TATDN1: variants seen among roughly 807,000 people sequenced by gnomAD.
TATDN1 encodes the protein deoxyribonuclease TATDN1.
In TATDN1, 40 loss-of-function variants were observed where a neutral mutation model predicts 46.4. The observed-to-expected ratio is 0.86, with a 90% confidence interval of 0.67 to 1.12. The LOEUF (loss-of-function observed/expected upper bound fraction) is 1.12. Among genes scored for constraint, TATDN1 ranks in the 50% most tolerant of loss-of-function variants. The pLI is 0.00. For synonymous variants in TATDN1, 95 were observed against 105.6 expected (o/e 0.90, Z 0.62); for missense variants, 326 against 348.4 (o/e 0.94, Z 0.51).
chr8:124,523,101 C>A, intron 1 of TATDN1, 99 bp from the exon 2 acceptor site: 1 of 977,932 alleles, frequency 1.0e-6, no homozygotes, highest in South Asian at 1.4e-5. Context: ...TTCACACACT[C>A]ATCTACTCAA....
Position 124,493,851 on chromosome 8 carries a change from T to C in TATDN1, c.773A>G (p.Asn258Ser), listed in dbSNP as rs1365100193. ...TACTCACATTATATGGCAGGGTTCA[T>C]TTCTGTCTTTTAAGCAGTGCCCACT... Reference protein sequence around the residue: ...WESGHCLKDRNEPCHIIQILE... With the variant: ...WESGHCLKDRSEPCHIIQILE... The change falls in exon 11 of 12, where the codon AAT becomes AGT. Residue 258 changes from asparagine to serine, a missense_variant. Asn to Ser is a conservative substitution (Grantham distance 46). Transcript: ENST00000276692. 5.6e-6 allele frequency: 9 copies of C among 1,608,986 alleles called. No individual in the cohort carries two copies. The highest frequency in any genetic ancestry group is 7.6e-6 in the Non-Finnish European group (9 of 1,179,228).
At chr8:124,535,445 C>T (rs1356548839) in intron 1 of TATDN1, among the ~76,000 whole-genome samples, 2 of 152,144 alleles carry the variant, frequency 1.3e-5, no homozygotes, top group Admixed American at 1.3e-4. Flanking sequence ...ATGTGTGGCT[C>T]TAAATGGGAT....
intron 1 of TATDN1, among the ~76,000 whole-genome samples, chr8:124,526,491 G>T (rs556181651): frequency 6.6e-6 from 1 of 152,176 alleles, no homozygotes; most frequent in Non-Finnish European, 1.5e-5. Flanking sequence ...TAAGAGATAC[G>T]GGTGGGAGGG....
intron 9 of TATDN1, among the ~76,000 whole-genome samples, chr8:124,502,044 A>C (rs72713073): frequency 0.087 from 13,273 of 152,138 alleles, 647 homozygotes; most frequent in East Asian, 0.16. Context: ...CTATCCATTG[A>C]AAGTGGGGGG....
rs1327815082 is a variant in TATDN1, at chr8:124,488,687, C to T, written c.801G>A (p.Leu267=). ...RNEPCHIIQI[L]EIMSAVRDED... The stretch of plus-strand genomic sequence containing the variant: ...CATCTCTCACTGCTGACATTATCTC[C>T]AATATTTGACTAAAACAAAACAAAA... The change falls in exon 12 of 12, where the codon TTG becomes TTA. Residue 267 remains leucine (L), a synonymous_variant. Transcript: ENST00000276692. The T allele has an allele frequency of 3.1e-6, 5 of 1,594,998 alleles. No individual in the cohort carries two copies. The South Asian group carries it at 5.5e-5, about 18-fold the overall frequency.
intron 11 of TATDN1, chr8:124,491,605 TA>T (rs1816998982): frequency 6.6e-6 from 1 of 152,288 alleles, no homozygotes; most frequent in South Asian, 2.1e-4. Flanking sequence ...ATGCCTTATC[TA>T]AAGTGCCAGG....
At chr8:124,493,631 A>T (rs1817210942) in intron 11 of TATDN1, among the ~76,000 whole-genome samples, 1 of 152,234 alleles carries the variant, frequency 6.6e-6, no homozygotes, top group South Asian at 2.1e-4. Flanking sequence ...CTTGTTACCA[A>T]AGAGTAGCAG....
chr8:124,498,953 T>C (rs1051829459), intron 9 of TATDN1, among the ~76,000 whole-genome samples: 5 of 143,130 alleles, frequency 3.5e-5, no homozygotes, highest in African/African-American at 1.3e-4. Flanking sequence ...CCTGGCCTCT[T>C]TTTTTTTTTT....
chr8:124,529,626 G>A (rs1820789889), intron 1 of TATDN1, among the ~76,000 whole-genome samples: 1 of 152,204 alleles, frequency 6.6e-6, no homozygotes, highest in Non-Finnish European at 1.5e-5. Flanking sequence ...ATGTATTCAT[G>A]CGGAGTGCTG....
At chr8:124,506,205 C>T (rs919025318) in intron 8 of TATDN1, among the ~76,000 whole-genome samples, 5 of 151,448 alleles carry the variant, frequency 3.3e-5, no homozygotes, top group African/African-American at 9.7e-5. Context: ...CGTGGTGGTG[C>T]GTGCCTGTAG....
chr8:124,534,593 C>T (rs1281412954), intron 1 of TATDN1, among the ~76,000 whole-genome samples: 2 of 152,202 alleles, frequency 1.3e-5, no homozygotes, highest in Admixed American at 6.5e-5. Flanking sequence ...GCTTGGATTA[C>T]AGGCGTGAGG....
chr8:124,493,819 A>G lies in TATDN1; in HGVS notation c.791+14T>C, dbSNP rs1157968673. 1.3e-6 allele frequency: 2 copies of G among 1,587,638 alleles called. No individual in the cohort carries two copies. The highest frequency in any genetic ancestry group is 1.4e-5 in the African/African-American group (1 of 73,464). The stretch of plus-strand genomic sequence containing the variant: ...AACTAATGATTTTGAAGACCATGAA[A>G]GCAAAATACTCACATTATATGGCAG... On this transcript the variant is annotated intron_variant, in intron 11 of 11. Coordinates refer to ENST00000276692, the MANE Select transcript of TATDN1 (RefSeq NM_032026.4).
In TATDN1 at chr8:124,495,468, T is replaced by A; in HGVS notation, c.664+4A>T. The A allele has an allele frequency of 6.2e-7, 1 of 1,601,800 alleles. No individual in the cohort carries two copies. Among genetic ancestry groups the A allele is most frequent in the Non-Finnish European group, 8.5e-7 (1 of 1,175,298 alleles). ...ATGAAACAAAGTTCTGAAAACAAAC[T>A]TACCTGTCTCAATCATTAATTTTTC... On this transcript the variant is annotated splice_donor_region_variant and intron_variant, in intron 10 of 11. Transcript: ENST00000276692.
At chr8:124,490,787 C>G (rs1486726824) in intron 11 of TATDN1, among the ~76,000 whole-genome samples, 1 of 150,808 alleles carries the variant, frequency 6.6e-6, no homozygotes. Flanking sequence ...TACACTGTGG[C>G]CCAAGCTGGA....
chr8:124,536,570 G>A (rs754502999), intron 1 of TATDN1, among the ~76,000 whole-genome samples: 1 of 152,072 alleles, frequency 6.6e-6, no homozygotes, highest in African/African-American at 2.4e-5. Context: ...CCCACTGTTG[G>A]GGTATAGTTC....
chr8:124,506,439 C>T (rs1194968570), intron 8 of TATDN1, among the ~76,000 whole-genome samples: 1 of 151,786 alleles, frequency 6.6e-6, no homozygotes. Context: ...CTAATAATCC[C>T]AACGGCATTA....
chr8:124,532,753 C>T lies in TATDN1; in HGVS notation c.22+6272G>A, dbSNP rs533627716. On this transcript the variant is annotated intron_variant, in intron 1 of 11. Transcript: ENST00000276692. ...CAAGTGAGGGGATGCTAATTCTGCT[C>T]GTTGGGCAGATCGGGCAGTTGGCTG... Among the ~76,000 whole-genome samples the T allele has an allele frequency of 3.9e-4, 59 of 152,326 alleles. 3 individuals carry two copies. The South Asian group carries it at 0.011, about 28-fold the overall frequency.
In TATDN1 at chr8:124,507,022, C is replaced by T. The variant is rs34457131; in HGVS notation, c.516+1452G>A. The stretch of plus-strand genomic sequence containing the variant: ...ACTAAAAATACAAAAATTAGCTGGA[C>T]GTGGTGGTGTGCACCTGTAGTCCCA... On this transcript the variant is annotated intron_variant, in intron 8 of 11. Transcript: ENST00000276692. 8.2e-3 allele frequency among the ~76,000 whole-genome samples: 1,241 copies of T among 152,028 alleles called. 16 individuals are homozygous for T. Among genetic ancestry groups the T allele is most frequent in the Non-Finnish European group, 9.0e-3 (614 of 67,976 alleles).
At chr8:124,517,370 G>A (rs1475817010) in intron 4 of TATDN1, among the ~76,000 whole-genome samples, 3 of 151,248 alleles carry the variant, frequency 2.0e-5, no homozygotes, top group African/African-American at 2.4e-5. Context: ...AGAGGTTGCC[G>A]TGAGCCGAGA....
Sources: allele counts gnomAD v4.1 joint callset (sites outside exome capture counted in the v4.1 genomes callset), GRCh38; gene constraint gnomAD v4.1.1; transcripts MANE v1.5; gene names NCBI Gene and HGNC (gene_info 2026-07-23, HGNC 2026-07-21).